The following SHISA9 variants were observed in gnomAD, a reference collection of about 807,000 sequenced individuals.
The protein encoded by SHISA9 is shisa family member 9.
A neutral mutation model predicts 38.0 loss-of-function variants in SHISA9; 13 were observed. The ratio of observed to expected loss-of-function variants is 0.34; its 90% CI spans 0.22 to 0.54. The LOEUF (loss-of-function observed/expected upper bound fraction) is 0.54, where lower values mean the gene tolerates loss of function less well. SHISA9 is among the 20% of genes least tolerant of loss of function. The probability of loss-of-function intolerance (pLI) is 0.91; values close to 1 mark genes in which losing one functional copy is unlikely to be tolerated. For missense variants in SHISA9, 538 were observed against 575.8 expected (o/e 0.93, Z 0.67); for synonymous variants, 275 against 242.0 (o/e 1.14, Z -1.27).
chr16:13,429,616 C>G, the SHISA9 span, among the ~76,000 whole-genome samples: 1 of 152,148 alleles, frequency 6.6e-6, no homozygotes, highest in Admixed American at 6.5e-5. Context: ...AGGCTTTATT[C>G]CAAATAAGGT....
At chr16:13,295,136 C>T in the SHISA9 span, among the ~76,000 whole-genome samples, 5 of 152,186 alleles carry the variant, frequency 3.3e-5, no homozygotes, top group South Asian at 2.1e-4. Flanking sequence ...TGTGACACTA[C>T]ATCACCAAAT....
chr16:13,495,633 T>C, the SHISA9 span, among the ~76,000 whole-genome samples: 2 of 152,112 alleles, frequency 1.3e-5, no homozygotes, highest in African/African-American at 2.4e-5. Context: ...AAAGAACTTA[T>C]CATTTCTGAT....
chr16:13,560,959 G>T, the SHISA9 span, among the ~76,000 whole-genome samples: 2 of 152,076 alleles, frequency 1.3e-5, no homozygotes, highest in African/African-American at 4.8e-5. Flanking sequence ...CACCTCCAGG[G>T]TTCAAGCGAT....
At chr16:13,439,082 C>G in the SHISA9 span, among the ~76,000 whole-genome samples, 2 of 152,126 alleles carry the variant, frequency 1.3e-5, no homozygotes, top group Admixed American at 1.3e-4. Flanking sequence ...AGTGCATGAG[C>G]TCACTTACAA....
At chr16:13,513,074 C>T in the SHISA9 span, among the ~76,000 whole-genome samples, 3 of 152,144 alleles carry the variant, frequency 2.0e-5, no homozygotes, top group Admixed American at 2.0e-4. Context: ...GAATAGGCAA[C>T]CTACAGAATG....
chr16:13,115,785 G>A (rs2074025797), intron 2 of SHISA9, among the ~76,000 whole-genome samples: 1 of 152,198 alleles, frequency 6.6e-6, no homozygotes, highest in Admixed American at 6.5e-5. Context: ...CATACCAGCT[G>A]ACTAGTAGCT....
chr16:13,527,544 G>T, the SHISA9 span, among the ~76,000 whole-genome samples: 7 of 152,188 alleles, frequency 4.6e-5, no homozygotes, highest in African/African-American at 1.7e-4. Flanking sequence ...TAAGGTAGTG[G>T]CGTCAGCAGT....
intron 1 of SHISA9, among the ~76,000 whole-genome samples, chr16:12,906,950 T>C (rs527561255): frequency 2.6e-5 from 4 of 152,140 alleles, no homozygotes; most frequent in African/African-American, 9.7e-5. Flanking sequence ...CTAACTTAGA[T>C]TGAACAATTA....
intron 2 of SHISA9, among the ~76,000 whole-genome samples, chr16:13,088,252 G>A (rs2073735457): frequency 6.6e-6 from 1 of 152,156 alleles, no homozygotes; most frequent in African/African-American, 2.4e-5. Context: ...AAGTCAGGTA[G>A]CATGATGCCT....
rs2050229853 is a variant in SHISA9, at chr16:13,123,306, A to G, written c.692-80088A>G. On this transcript the variant is annotated intron_variant, in intron 2 of 4. Transcript: ENST00000558583. ...GAAGAGACTTTGTTATTCAACAAGG[A>G]TAAATTCATTCATTCATTTAGGAGC... Among the ~76,000 whole-genome samples the G allele has an allele frequency of 2.0e-5, 3 of 152,262 alleles. No homozygotes were observed. The South Asian group carries it at 6.2e-4, about 32-fold the overall frequency.
chr16:13,374,824 T>C, the SHISA9 span, among the ~76,000 whole-genome samples: 2 of 152,306 alleles, frequency 1.3e-5, no homozygotes, highest in African/African-American at 4.8e-5. Context: ...CTCTCCAGCA[T>C]CTGTTGTTTC....
the SHISA9 span, among the ~76,000 whole-genome samples, chr16:13,316,582 G>T: frequency 6.6e-6 from 1 of 151,984 alleles, no homozygotes; most frequent in Non-Finnish European, 1.5e-5. Flanking sequence ...CTATATCACC[G>T]AATCTAAAAT....
At chr16:13,139,809 A>T (rs1357186376) in intron 2 of SHISA9, among the ~76,000 whole-genome samples, 2 of 152,174 alleles carry the variant, frequency 1.3e-5, no homozygotes, top group African/African-American at 4.8e-5. Flanking sequence ...GGCATTGCTC[A>T]GCAAGGCAGC....
At chr16:13,105,837 T>C (rs2073920974) in intron 2 of SHISA9, among the ~76,000 whole-genome samples, 1 of 152,132 alleles carries the variant, frequency 6.6e-6, no homozygotes, top group South Asian at 2.1e-4. Flanking sequence ...AGCTTCTAGG[T>C]TGAGGAACAT....
chr16:13,379,696 G>T, the SHISA9 span, among the ~76,000 whole-genome samples: 1 of 152,132 alleles, frequency 6.6e-6, no homozygotes, highest in African/African-American at 2.4e-5. Context: ...CCTCCGCGGT[G>T]GGCATTTGTC....
chr16:13,116,113 A>C (rs1292684577), intron 2 of SHISA9, among the ~76,000 whole-genome samples: 1 of 152,188 alleles, frequency 6.6e-6, no homozygotes. Context: ...AAGCTTGGAT[A>C]GCTCCTTACT....
chr16:13,414,646 C>CTTTTTTTTTTTTTTTTTT, the SHISA9 span, among the ~76,000 whole-genome samples: 9 of 136,608 alleles, frequency 6.6e-5, 2 homozygotes, highest in African/African-American at 8.1e-5. Flanking sequence ...TTCTTTCTTT[C>CTTTTTTTTTTTTTTTTTT]TTTCTTTTTT....
intron 2 of SHISA9, among the ~76,000 whole-genome samples, chr16:13,137,983 A>G (rs990605242): frequency 6.6e-6 from 1 of 152,162 alleles, no homozygotes; most frequent in East Asian, 1.9e-4. Context: ...TACATGAATG[A>G]TAGTTCACAC....
At chr16:13,448,432 C>T in the SHISA9 span, among the ~76,000 whole-genome samples, 1 of 152,232 alleles carries the variant, frequency 6.6e-6, no homozygotes, top group African/African-American at 2.4e-5. Flanking sequence ...CTGCCCCAAT[C>T]ATCACAAAGA....
Sources: gnomAD v4.1 joint callset for allele counts (sites outside exome capture counted in the v4.1 genomes callset) on GRCh38, gnomAD v4.1.1 for gene constraint, MANE v1.5 for transcripts, NCBI Gene and HGNC (gene_info 2026-07-23, HGNC 2026-07-21) for gene names.